RNF144A: variants seen among roughly 807,000 people sequenced by gnomAD.
RNF144A encodes ring finger protein 144A.
Under a neutral mutation model 38.7 loss-of-function variants are expected in RNF144A, and 11 were observed. The ratio of observed to expected loss-of-function variants is 0.28; its 90% CI spans 0.18 to 0.47. The LOEUF (loss-of-function observed/expected upper bound fraction) is 0.47. Ranked by LOEUF, RNF144A falls within the 20% of genes least tolerant of loss-of-function variation. The pLI, the probability that RNF144A is intolerant of heterozygous loss-of-function variation, is 0.99. For missense variants in RNF144A, 316 were observed against 377.2 expected (o/e 0.84, Z 1.34); for synonymous variants, 149 against 143.9 (o/e 1.04, Z -0.25).
chr2:7,025,657 G>A (rs1423378062), intron 7 of RNF144A, among the ~76,000 whole-genome samples: 1 of 152,154 alleles, frequency 6.6e-6, no homozygotes, highest in East Asian at 1.9e-4. Context: ...CGGCAACAGA[G>A]TGAGACTCCA....
At chr2:7,056,114 A>C (rs982713767) in intron 6 of RNF144A, among the ~76,000 whole-genome samples, 3 of 152,020 alleles carry the variant, frequency 2.0e-5, no homozygotes. Context: ...TAATGACTTT[A>C]TTTCTCTGTG....
At chr2:6,974,148 C>A (rs898833023) in intron 2 of RNF144A, among the ~76,000 whole-genome samples, 5 of 152,212 alleles carry the variant, frequency 3.3e-5, no homozygotes, top group Non-Finnish European at 5.9e-5. Flanking sequence ...GTGGAAGTTA[C>A]AGACTTACCT....
chr2:7,024,963 G>T (rs1671785931), intron 7 of RNF144A, among the ~76,000 whole-genome samples: 1 of 151,838 alleles, frequency 6.6e-6, no homozygotes, highest in African/African-American at 2.4e-5. Context: ...CTCCTTCCTG[G>T]TGTTCAGGAT....
chr2:6,970,637 G>C (rs1380819346), intron 2 of RNF144A, among the ~76,000 whole-genome samples: 1 of 152,166 alleles, frequency 6.6e-6, no homozygotes, highest in Non-Finnish European at 1.5e-5. Context: ...ATTTTATACA[G>C]GAGAAAACTG....
downstream of RNF144A, among the ~76,000 whole-genome samples, chr2:7,047,490 C>G (rs1044618259): frequency 2.0e-5 from 3 of 152,152 alleles, no homozygotes; most frequent in African/African-American, 4.8e-5. Flanking sequence ...CCCTGATAAA[C>G]CCATCACATC....
intron 3 of RNF144A, among the ~76,000 whole-genome samples, chr2:7,007,066 C>T (rs1008980592): frequency 2.0e-5 from 3 of 152,108 alleles, no homozygotes; most frequent in Non-Finnish European, 4.4e-5. Flanking sequence ...TCCCACCTGG[C>T]AAGGATCCTT....
chr2:6,961,545 G>A (rs1315894550), intron 2 of RNF144A, among the ~76,000 whole-genome samples: 3 of 152,176 alleles, frequency 2.0e-5, no homozygotes, highest in Non-Finnish European at 4.4e-5. Flanking sequence ...GGAGAGATGA[G>A]ACATGCATGC....
intron 2 of RNF144A, among the ~76,000 whole-genome samples, chr2:6,948,353 G>T (rs1666471928): frequency 1.3e-5 from 2 of 152,208 alleles, no homozygotes; most frequent in South Asian, 4.1e-4. Context: ...CTGCCCAGAG[G>T]TCTAGGGACA....
chr2:6,947,246 G>A (rs1478654401), intron 2 of RNF144A, among the ~76,000 whole-genome samples: 2 of 151,852 alleles, frequency 1.3e-5, no homozygotes, highest in African/African-American at 4.8e-5. Context: ...TTTAAGAAAT[G>A]TACATTAATT....
chr2:7,004,599 C>G (rs147558496), intron 3 of RNF144A, among the ~76,000 whole-genome samples: 259 of 152,334 alleles, frequency 1.7e-3, no homozygotes, highest in Middle Eastern at 0.014. Flanking sequence ...AAGCGCCTTC[C>G]TGAGTGAAAA....
rs527334353 is a variant in RNF144A at position 7,039,491 on chromosome 2, G to A, written c.748-138G>A. 3 of 1,415,892 alleles carry A rather than the reference G, an allele frequency of 2.1e-6. No individual in the cohort carries two copies. The Admixed American group carries it at 6.4e-5, about 30-fold the overall frequency. The allele number at this position is 1,415,892 out of a possible 1,614,324, so 87.7% of individuals were successfully genotyped here. On this transcript the variant is annotated intron_variant, in intron 8 of 8. Transcript: ENST00000320892. ...TGAGTAGATGATGACTAGATGGGTA[G>A]ATGGATGGATGGATAGATGGATGGT...
At chr2:6,959,795 C>A (rs531435356) in intron 2 of RNF144A, among the ~76,000 whole-genome samples, 2 of 152,200 alleles carry the variant, frequency 1.3e-5, no homozygotes, top group African/African-American at 2.4e-5. Flanking sequence ...CACCACCCCC[C>A]CCATACTGTT....
At chr2:6,965,717 A>G (rs1441385533) in intron 2 of RNF144A, among the ~76,000 whole-genome samples, 1 of 152,148 alleles carries the variant, frequency 6.6e-6, no homozygotes, top group Non-Finnish European at 1.5e-5. Context: ...GGAAAAAGGC[A>G]CGAGATTTAT....
rs572131983 is a variant in RNF144A at position 7,040,469 on chromosome 2, A to G, written c.*709A>G. ...ATAAGTGTGCTTCCTATATTGTTGC[A>G]TTTCCTTGATAATATTGACGTGTTT... On this transcript the variant is annotated 3_prime_UTR_variant, in exon 9 of 9. Transcript: ENST00000320892. 2.0e-6 allele frequency: 2 copies of G among 985,336 alleles called. No homozygotes were observed. The highest frequency in any genetic ancestry group is 1.1e-4 in the East Asian group (1 of 8,816). The allele number at this position is 985,336 out of a possible 1,614,324, so 61.0% of individuals were successfully genotyped here.
intron 2 of RNF144A, among the ~76,000 whole-genome samples, chr2:6,967,563 G>C (rs1327768224): frequency 6.6e-6 from 1 of 152,228 alleles, no homozygotes; most frequent in Non-Finnish European, 1.5e-5. Flanking sequence ...CTCAGCTGCT[G>C]CTCCCTACTT....
At chr2:6,992,042 A>G (rs1377736754) in intron 2 of RNF144A, among the ~76,000 whole-genome samples, 1 of 152,220 alleles carries the variant, frequency 6.6e-6, no homozygotes, top group Admixed American at 6.5e-5. Context: ...AATGGGAGTT[A>G]CTATGAGAGT....
rs114091634 is a variant in RNF144A, at chr2:6,940,786, A to T, written c.-211-162A>T. 7.1e-3 allele frequency among the ~76,000 whole-genome samples: 1,078 copies of T among 151,946 alleles called. 21 individuals carry two copies. Among genetic ancestry groups the T allele is most frequent in the African/African-American group, 0.025 (1,049 of 41,424 alleles). On this transcript the variant is annotated intron_variant, in intron 1 of 8. Transcript: ENST00000320892. ...GGTGGATTTTTTTTTAACATAGTAAACCTCAGTTTTTTCTCCAGTTTACTA... is the reference window on the plus strand; with the variant it reads ...GGTGGATTTTTTTTTAACATAGTAATCCTCAGTTTTTTCTCCAGTTTACTA...
At chr2:7,024,766 G>A (rs1410109781) in intron 7 of RNF144A, among the ~76,000 whole-genome samples, 2 of 152,200 alleles carry the variant, frequency 1.3e-5, no homozygotes, top group Non-Finnish European at 2.9e-5. Flanking sequence ...TCCAGCCTGG[G>A]ATTTAAAGGG....
intron 3 of RNF144A, among the ~76,000 whole-genome samples, chr2:7,012,792 C>G (rs1670901685): frequency 6.6e-6 from 1 of 152,132 alleles, no homozygotes; most frequent in East Asian, 1.9e-4. Context: ...TGGAGTCTCA[C>G]GTAGAACTCC....
Sources: gnomAD v4.1 joint callset for allele counts (sites outside exome capture counted in the v4.1 genomes callset) on GRCh38, gnomAD v4.1.1 for gene constraint, MANE v1.5 for transcripts, NCBI Gene and HGNC (gene_info 2026-07-23, HGNC 2026-07-21) for gene names.